The following SNX2 variants were observed in gnomAD, a reference collection of about 807,000 sequenced individuals.
SNX2 encodes the protein sorting nexin 2.
A neutral mutation model predicts 69.9 loss-of-function variants in SNX2; 25 were observed. That is an observed-to-expected ratio of 0.36 (90% CI 0.26 to 0.50). SNX2 has a LOEUF of 0.50. Among genes scored for constraint, SNX2 ranks in the 20% least tolerant of loss-of-function variants. SNX2 has a pLI of 0.97. For missense variants in SNX2, 551 were observed against 613.3 expected, an observed-to-expected ratio of 0.90 and a Z score of 1.07; for synonymous variants, 229 against 200.4, an observed-to-expected ratio of 1.14 and a Z score of -1.20.
At chr5:122,775,459 G>C (rs954689282) in intron 1 of SNX2, 1 of 1,183,708 alleles carries the variant, frequency 8.4e-7, no homozygotes, top group Non-Finnish European at 1.0e-6. Context: ...GAACCGAACC[G>C]AGCATTGCAG....
intron 1 of SNX2, 61 bp downstream of exon 1, chr5:122,775,272 T>C: frequency 6.7e-7 from 1 of 1,489,342 alleles, no homozygotes; most frequent in South Asian, 1.3e-5. Flanking sequence ...ACCTTTCCCC[T>C]GCCCCGACTT....
chr5:122,798,026 C>T (rs1398735177), intron 2 of SNX2, among the ~76,000 whole-genome samples: 3 of 152,152 alleles, frequency 2.0e-5, no homozygotes, highest in African/African-American at 7.2e-5. Context: ...AAGTTACTAT[C>T]TCTCACAATA....
chr5:122,828,029 TAA>T (rs11354397), intron 14 of SNX2: 4 of 151,802 alleles, frequency 2.6e-5, no homozygotes, highest in South Asian at 2.1e-4. Context: ...TTTTCAGAAT[TAA>T]AAAAAAAAAC....
chr5:122,816,078 C>A, intron 8 of SNX2, 107 bp downstream of exon 8: 1 of 498,300 alleles, frequency 2.0e-6, no homozygotes, highest in Non-Finnish European at 3.4e-6. Flanking sequence ...TGGAATAAAG[C>A]AATTATTATT....
intron 12 of SNX2, chr5:122,826,685 C>T (rs913584578): frequency 1.0e-6 from 1 of 963,412 alleles, no homozygotes; most frequent in Non-Finnish European, 1.2e-6. Context: ...AATAAATGTA[C>T]CTGCCCTTTG....
intron 8 of SNX2, 42 bp from the exon 9 acceptor site, chr5:122,816,873 T>G: frequency 7.9e-7 from 1 of 1,259,442 alleles, no homozygotes; most frequent in Non-Finnish European, 1.2e-6. Flanking sequence ...ACCTCCAGGC[T>G]TTTAACCGGT....
intron 1 of SNX2, among the ~76,000 whole-genome samples, chr5:122,789,059 G>A (rs927569063): frequency 1.3e-5 from 2 of 151,980 alleles, no homozygotes; most frequent in Non-Finnish European, 2.9e-5. Context: ...GAGACTATTG[G>A]GATTTTTTGT....
At chr5:122,780,794 TC>T (rs1752964162) in intron 1 of SNX2, among the ~76,000 whole-genome samples, 1 of 152,108 alleles carries the variant, frequency 6.6e-6, no homozygotes, top group Non-Finnish European at 1.5e-5. Flanking sequence ...GGTCTCGAAC[TC>T]CTGACCTTGT....
chr5:122,810,647 AC>A (rs1209325412), intron 7 of SNX2, among the ~76,000 whole-genome samples: 2 of 152,172 alleles, frequency 1.3e-5, no homozygotes, highest in Non-Finnish European at 2.9e-5. Context: ...CATAGTACTT[AC>A]CATACCTTCA....
Position 122,833,160 on chromosome 5 carries a change from T to C in SNX2, c.*3512T>C, listed in dbSNP as rs559582186. The C allele has an allele frequency of 6.6e-6, 1 of 152,176 alleles. No homozygotes were observed. Among genetic ancestry groups the C allele is most frequent in the African/African-American group, 2.4e-5 (1 of 41,438 alleles). The allele number at this position is 152,176 out of a possible 1,614,324, so 9.4% of individuals were successfully genotyped here. A position where few individuals can be genotyped will look rare whatever the true frequency, so the allele number is the denominator to read the frequency against. On this transcript the variant is annotated 3_prime_UTR_variant, in exon 15 of 15. Transcript: ENST00000379516. Reference sequence around the variant, plus strand: ...ATGTAAAATCAGAATCAAATAATTATCATTCCTAACCCTCACAGTGAAGGA... The same window carrying C: ...ATGTAAAATCAGAATCAAATAATTACCATTCCTAACCCTCACAGTGAAGGA...
At chr5:122,789,338 C>T (rs550186090) in intron 1 of SNX2, among the ~76,000 whole-genome samples, 1 of 152,236 alleles carries the variant, frequency 6.6e-6, no homozygotes, top group African/African-American at 2.4e-5. Flanking sequence ...TGCACACATT[C>T]ATTCACAGAA....
chr5:122,803,197 G>C (rs1439201429), intron 5 of SNX2, among the ~76,000 whole-genome samples: 2 of 152,134 alleles, frequency 1.3e-5, no homozygotes, highest in Non-Finnish European at 1.5e-5. Context: ...ATCTGGGCCA[G>C]ATGTAAAGAT....
intron 7 of SNX2, among the ~76,000 whole-genome samples, chr5:122,812,825 C>T (rs1753810839): frequency 6.6e-6 from 1 of 152,104 alleles, no homozygotes; most frequent in Non-Finnish European, 1.5e-5. Context: ...TATCCAAGAC[C>T]CAGGCTCTTT....
intron 1 of SNX2, among the ~76,000 whole-genome samples, chr5:122,792,704 G>A (rs6895692): frequency 0.36 from 54,602 of 151,994 alleles, 10,446 homozygotes; most frequent in African/African-American, 0.46. Context: ...AAGTAAAAAG[G>A]TAAGCCAAAG....
At chr5:122,811,294 CT>C (rs1258298522) in intron 7 of SNX2, among the ~76,000 whole-genome samples, 1 of 152,182 alleles carries the variant, frequency 6.6e-6, no homozygotes, top group African/African-American at 2.4e-5. Flanking sequence ...TAAGCAGAGA[CT>C]GCTTCTATTA....
chr5:122,818,144 G>T (rs937356951), intron 10 of SNX2, among the ~76,000 whole-genome samples: 1 of 151,978 alleles, frequency 6.6e-6, no homozygotes, highest in African/African-American at 2.4e-5. Flanking sequence ...GGCTTTTTTG[G>T]AGAACTTTAC....
rs75271891 is a variant in SNX2, at chr5:122,815,388, A to G, written c.723-508A>G. Reference sequence around the variant, plus strand: ...ATTTAGTTCTTGTCAAGTGAGGACTAAAGCTAATTGTGATCATTTAAATAT... The same window carrying G: ...ATTTAGTTCTTGTCAAGTGAGGACTGAAGCTAATTGTGATCATTTAAATAT... On this transcript the variant is annotated intron_variant, in intron 7 of 14. Transcript: ENST00000379516. Among the ~76,000 whole-genome samples the G allele has an allele frequency of 6.4e-3, 968 of 152,348 alleles. 9 individuals are homozygous for G. The highest frequency in any genetic ancestry group is 0.059 in the East Asian group (308 of 5,184).
chr5:122,804,660 C>T (rs1215084133), intron 6 of SNX2, among the ~76,000 whole-genome samples: 4 of 151,986 alleles, frequency 2.6e-5, no homozygotes, highest in Non-Finnish European at 5.9e-5. Context: ...CCACTGTGCC[C>T]GGCCACATTT....
At chr5:122,781,999 A>G (rs1422884379) in intron 1 of SNX2, among the ~76,000 whole-genome samples, 1 of 152,116 alleles carries the variant, frequency 6.6e-6, no homozygotes, top group Non-Finnish European at 1.5e-5. Context: ...GTGTCTTCGC[A>G]ACTCTACCAC....
Sources: gnomAD v4.1 joint callset for allele counts (sites outside exome capture counted in the v4.1 genomes callset) on GRCh38, gnomAD v4.1.1 for gene constraint, MANE v1.5 for transcripts, NCBI Gene and HGNC (gene_info 2026-07-23, HGNC 2026-07-21) for gene names.